SMARCAD1: variants seen among roughly 807,000 people sequenced by gnomAD.
The protein encoded by SMARCAD1 is SWI/SNF-related matrix-associated actin-dependent regulator of chromatin subfamily A containing DEAD/H box 1.
SMARCAD1 carries 25 observed loss-of-function variants against 127.1 expected under a neutral mutation model. That is an observed-to-expected ratio of 0.20 (90% CI 0.14 to 0.27). SMARCAD1 has a LOEUF of 0.27. SMARCAD1 is among the 10% of genes least tolerant of loss of function. The pLI, the probability that SMARCAD1 is intolerant of heterozygous loss-of-function variation, is 1.00. For synonymous variants in SMARCAD1, 400 were observed against 396.9 expected, an observed-to-expected ratio of 1.01 and a Z score of -0.09; for missense variants, 807 against 1,206.0, an observed-to-expected ratio of 0.67 and a Z score of 4.90.
In SMARCAD1 at chr4:94,290,977, A is replaced by G. The variant is rs568792741; in HGVS notation, c.*1443A>G. The G allele has an allele frequency of 6.7e-6, 3 of 450,538 alleles. No individual in the cohort carries two copies. Among genetic ancestry groups the G allele is most frequent in the East Asian group, 7.0e-5 (1 of 14,388 alleles). 27.9% of individuals were successfully genotyped at this position (450,538 alleles called of 1,614,324 possible). A position where few individuals can be genotyped will look rare whatever the true frequency, so the allele number is the denominator to read the frequency against. On this transcript the variant is annotated 3_prime_UTR_variant, in exon 24 of 24. Coordinates refer to ENST00000354268, the MANE Select transcript of SMARCAD1 (RefSeq NM_020159.5). ...AACTCACGGCTTAACCCCAGTCTTG[A>G]TGGTATATTGAACAGACTGAATATA...
rs187793331 is a variant in SMARCAD1, at chr4:94,256,828, G to A, written c.1281+3821G>A. The stretch of plus-strand genomic sequence containing the variant: ...GTTTTAATTTGTGTAAGTTTGATAA[G>A]TTTGTATTAAAAAAATCTGCAAGTA... On this transcript the variant is annotated intron_variant, in intron 9 of 23. Transcript: ENST00000354268. Among the ~76,000 whole-genome samples, 693 of 127,330 alleles carry A rather than the reference G, an allele frequency of 5.4e-3. 2 individuals carry two copies. The highest frequency in any genetic ancestry group is 0.01 in the Non-Finnish European group (578 of 57,652). 83.5% of individuals were successfully genotyped at this position (127,330 alleles called of 152,430 possible). A position where few individuals can be genotyped will look rare whatever the true frequency, so the allele number is the denominator to read the frequency against.
chr4:94,265,944 A>T (rs1751680423), intron 10 of SMARCAD1, among the ~76,000 whole-genome samples: 1 of 152,008 alleles, frequency 6.6e-6, no homozygotes, highest in Admixed American at 6.6e-5. Context: ...TTCTAAGTTA[A>T]TGATCAAAGC....
chr4:94,270,907 C>T, intron 11 of SMARCAD1, 89 bp downstream of exon 11: 2 of 1,200,114 alleles, frequency 1.7e-6, no homozygotes, highest in South Asian at 1.2e-5. Context: ...CTTTTTTTTG[C>T]TACTGTAGTT....
chr4:94,248,490 G>A (rs185663972), intron 6 of SMARCAD1: 1 of 456,058 alleles, frequency 2.2e-6, no homozygotes, highest in Non-Finnish European at 4.4e-6. Flanking sequence ...GTGTGCCTGG[G>A]CTGTAAAGGT....
At chr4:94,274,861 G>C (rs920379596) in intron 13 of SMARCAD1, 29 bp from the exon 14 acceptor site, 2 of 1,586,602 alleles carry the variant, frequency 1.3e-6, no homozygotes, top group Non-Finnish European at 1.7e-6. Context: ...ACAATAAATA[G>C]TCATGTGTTT....
intron 3 of SMARCAD1, 98 bp downstream of exon 3, chr4:94,226,394 TTTTTTTTC>T: frequency 2.8e-6 from 2 of 719,538 alleles, no homozygotes; most frequent in South Asian, 1.8e-5. Flanking sequence ...TTCCCTTTTT[TTTTTTTTC>T]TTTTTTTTTT....
Position 94,289,986 on chromosome 4 carries a change from T to C in SMARCAD1, c.*452T>C, listed in dbSNP as rs983867450. 4.4e-6 allele frequency: 2 copies of C among 454,392 alleles called. No individual in the cohort carries two copies. The highest frequency in any genetic ancestry group is 2.3e-5 in the Admixed American group (1 of 42,556). 28.1% of individuals were successfully genotyped at this position (454,392 alleles called of 1,614,324 possible). On this transcript the variant is annotated 3_prime_UTR_variant, in exon 24 of 24. Coordinates refer to ENST00000354268, the MANE Select transcript of SMARCAD1 (RefSeq NM_020159.5). ...TCTCATTTGAAGTTCTTTTTTATTATGTTAAAGAATGCAGCTGTATAGATT... is the reference window on the plus strand; with the variant it reads ...TCTCATTTGAAGTTCTTTTTTATTACGTTAAAGAATGCAGCTGTATAGATT...
At position 94,251,494 on chromosome 4, in the gene SMARCAD1, A is replaced by G. The variant is rs145122788; in HGVS notation, c.889+661A>G. On this transcript the variant is annotated intron_variant, in intron 8 of 23. Coordinates refer to ENST00000354268, the MANE Select transcript of SMARCAD1 (RefSeq NM_020159.5). The stretch of plus-strand genomic sequence containing the variant: ...CTATACTACCAATACTGTTGATGGC[A>G]CAGAAAATGATATTCTGTGGCAAAA... 1.1e-4 allele frequency among the ~76,000 whole-genome samples: 17 copies of G among 152,262 alleles called. No individual in the cohort carries two copies. The East Asian group carries it at 3.1e-3, about 28-fold the overall frequency.
intron 4 of SMARCAD1, among the ~76,000 whole-genome samples, chr4:94,235,513 T>C (rs869285394): frequency 2.0e-5 from 3 of 151,756 alleles, no homozygotes; most frequent in African/African-American, 4.8e-5. Context: ...ATTTTTGACA[T>C]GAATCCACTG....
At chr4:94,285,704 A>T (rs4693381) in intron 23 of SMARCAD1, among the ~76,000 whole-genome samples, 83,330 of 152,036 alleles carry the variant, frequency 0.55, 23,335 homozygotes, top group East Asian at 0.72. Flanking sequence ...AATAATTACT[A>T]GTCTTTCTTG....
At chr4:94,276,790 G>A (rs1167979986) in intron 15 of SMARCAD1, among the ~76,000 whole-genome samples, 2 of 152,076 alleles carry the variant, frequency 1.3e-5, no homozygotes, top group East Asian at 1.9e-4. Context: ...AAGGTGATAC[G>A]AGGACACAAG....
intron 3 of SMARCAD1, among the ~76,000 whole-genome samples, chr4:94,228,634 G>GAA (rs113881690): frequency 7.1e-6 from 1 of 140,720 alleles, no homozygotes. Context: ...ATCTTGCAGT[G>GAA]AAAAAAAAAA....
intron 14 of SMARCAD1, among the ~76,000 whole-genome samples, chr4:94,275,890 C>T (rs914511999): frequency 4.0e-5 from 6 of 149,586 alleles, no homozygotes; most frequent in East Asian, 2.0e-4. Flanking sequence ...TCTTGCCTCC[C>T]GGGTTCACGC....
At chr4:94,215,234 A>G (rs539777610) in intron 2 of SMARCAD1, among the ~76,000 whole-genome samples, 33 of 152,324 alleles carry the variant, frequency 2.2e-4, no homozygotes, top group African/African-American at 6.3e-4. Flanking sequence ...TTGAAAAGCA[A>G]TACTTAGTTA....
rs202111891 is a variant in SMARCAD1, at chr4:94,226,310, T to C, written c.368+14T>C. Reference sequence around the variant, plus strand: ...AGTGATTATAGTGTAAGCTGATTAATAGATATATTGTATTTGCATGTGTGT... The same window carrying C: ...AGTGATTATAGTGTAAGCTGATTAACAGATATATTGTATTTGCATGTGTGT... On this transcript the variant is annotated intron_variant, in intron 3 of 23. Transcript: ENST00000354268. The C allele has an allele frequency of 1.2e-6, 2 of 1,600,122 alleles. No homozygotes were observed. Among genetic ancestry groups the C allele is most frequent in the East Asian group, 2.2e-5 (1 of 44,656 alleles).
chr4:94,220,243 T>G (rs530461030), intron 2 of SMARCAD1, among the ~76,000 whole-genome samples: 1 of 152,266 alleles, frequency 6.6e-6, no homozygotes, highest in South Asian at 2.1e-4. Flanking sequence ...TTTACTGATT[T>G]TATTTATTAT....
At chr4:94,237,965 G>GT (rs1030028245) in intron 5 of SMARCAD1, among the ~76,000 whole-genome samples, 4 of 152,076 alleles carry the variant, frequency 2.6e-5, no homozygotes, top group Admixed American at 1.3e-4. Context: ...GGTTATGCCA[G>GT]TTTATGCTTT....
chr4:94,232,493 C>T (rs915855025), intron 3 of SMARCAD1, among the ~76,000 whole-genome samples: 1 of 152,144 alleles, frequency 6.6e-6, no homozygotes. Flanking sequence ...AAGTTGAGTA[C>T]ATCAGGAATG....
At chr4:94,262,902 A>G (rs1246820655) in intron 9 of SMARCAD1, among the ~76,000 whole-genome samples, 2 of 99,338 alleles carry the variant, frequency 2.0e-5, no homozygotes, top group African/African-American at 8.0e-5. Flanking sequence ...AAAAAAAAAA[A>G]AAAAAGAAAG....
Sources: gnomAD v4.1 joint callset for allele counts (sites outside exome capture counted in the v4.1 genomes callset) on GRCh38, gnomAD v4.1.1 for gene constraint, MANE v1.5 for transcripts, NCBI Gene and HGNC (gene_info 2026-07-23, HGNC 2026-07-21) for gene names.